Variants in TEX48 observed in about 807,000 individuals in gnomAD.
TEX48 encodes testis-expressed protein 48.
Under a neutral mutation model 13.2 loss-of-function variants are expected in TEX48, and 10 were observed. That is an observed-to-expected ratio of 0.75 (90% CI 0.47 to 1.28). The LOEUF (loss-of-function observed/expected upper bound fraction) is 1.28. TEX48 is among the 50% of genes most tolerant of loss of function. TEX48 has a pLI of 0.00. For missense variants in TEX48, 116 were observed against 139.4 expected (o/e 0.83, Z 0.84); for synonymous variants, 45 against 52.3 (o/e 0.86, Z 0.60).
At chr9:114,667,340 G>A (rs552825719) in intron 4 of TEX48, among the ~76,000 whole-genome samples, 11 of 152,288 alleles carry the variant, frequency 7.2e-5, no homozygotes, top group South Asian at 2.1e-4. Flanking sequence ...TAGAACTGGC[G>A]CCCAGCAATG....
At position 114,669,216 on chromosome 9, in the gene TEX48, C is replaced by T. The variant is rs150414381; in HGVS notation, c.128-879G>A. On this transcript the variant is annotated intron_variant, in intron 3 of 4. Coordinates refer to ENST00000436752, the MANE Select transcript of TEX48 (RefSeq NM_001199233.2). ...TCACTAAATTTAAAAAATGGTTGTA[C>T]AGTATTCTAGTTTTTGAATAATGTA... Among the ~76,000 whole-genome samples, 553 of 152,182 alleles carry T rather than the reference C, an allele frequency of 3.6e-3. 3 individuals carry two copies. Among genetic ancestry groups the T allele is most frequent in the Admixed American group, 0.01 (153 of 15,284 alleles).
In TEX48 at chr9:114,669,499, T is replaced by C. The variant is rs542042848; in HGVS notation, c.128-1162A>G. Among the ~76,000 whole-genome samples, 326 of 152,000 alleles carry C rather than the reference T, an allele frequency of 2.1e-3. 1 individual carries two copies. Among genetic ancestry groups the C allele is most frequent in the African/African-American group, 7.4e-3 (306 of 41,474 alleles). On this transcript the variant is annotated intron_variant, in intron 3 of 4. Transcript: ENST00000436752. ...TCTTGTTGCCCAGGCTGGAGTGCGA[T>C]GGCACGATCTCGGCTCACCGCAACC... is the stretch of plus-strand genomic sequence containing the variant.
intron 1 of TEX48, among the ~76,000 whole-genome samples, chr9:114,677,021 A>C (rs1291023025): frequency 6.6e-6 from 1 of 152,160 alleles, no homozygotes; most frequent in Non-Finnish European, 1.5e-5. Flanking sequence ...GACTGTTGGA[A>C]AAAAACTATG....
chr9:114,669,291 A>T (rs975880025), intron 3 of TEX48, among the ~76,000 whole-genome samples: 31 of 151,760 alleles, frequency 2.0e-4, no homozygotes, highest in South Asian at 2.1e-4. Flanking sequence ...TTATTTATTT[A>T]TTTTTTTGAG....
chr9:114,676,482 T>C lies in TEX48; in HGVS notation c.-104-4655A>G, dbSNP rs184613433. Among the ~76,000 whole-genome samples, 56 of 152,190 alleles carry C rather than the reference T, an allele frequency of 3.7e-4. 1 individual carries two copies. The highest frequency in any genetic ancestry group is 1.3e-3 in the African/African-American group (55 of 41,514). On this transcript the variant is annotated intron_variant, in intron 1 of 4. Transcript: ENST00000436752. ...CTGAGCCCAGCCAAGCTTTTTTCTT[T>C]TTTTTTTCTTCATTTATTTCACATG...
At chr9:114,676,138 A>T (rs960242814) in intron 1 of TEX48, among the ~76,000 whole-genome samples, 7 of 152,108 alleles carry the variant, frequency 4.6e-5, no homozygotes, top group African/African-American at 1.7e-4. Flanking sequence ...ATACTAGTTC[A>T]TGAGCTTTTT....
chr9:114,671,874 G>T, intron 1 of TEX48, 47 bp from the exon 2 acceptor site: 1 of 793,756 alleles, frequency 1.3e-6, no homozygotes, highest in Non-Finnish European at 2.1e-6. Context: ...TCCTTCACCT[G>T]TGTTCACACT....
intron 4 of TEX48, 132 bp from the exon 5 acceptor site, chr9:114,666,878 C>T: frequency 1.7e-6 from 1 of 596,486 alleles, no homozygotes; most frequent in Non-Finnish European, 2.9e-6. Context: ...CAAGGCAGAC[C>T]CTAGTCTAGG....
At chr9:114,681,590 T>C (rs1236389565) in intron 1 of TEX48, among the ~76,000 whole-genome samples, 1 of 152,146 alleles carries the variant, frequency 6.6e-6, no homozygotes, top group Non-Finnish European at 1.5e-5. Flanking sequence ...TGGTGTGTCG[T>C]AAAGGCTTAA....
chr9:114,674,608 TC>T (rs1828020494), intron 1 of TEX48, among the ~76,000 whole-genome samples: 1 of 26,258 alleles, frequency 3.8e-5, no homozygotes, highest in Non-Finnish European at 9.8e-5. Context: ...TTTCTTTCCT[TC>T]CTTCCTTCCT....
intron 1 of TEX48, among the ~76,000 whole-genome samples, chr9:114,678,859 A>T (rs1828129136): frequency 6.6e-6 from 1 of 151,212 alleles, no homozygotes. Context: ...AAAAAAAAAA[A>T]TTGTTGACCT....
chr9:114,677,669 A>G (rs1197787315), intron 1 of TEX48, among the ~76,000 whole-genome samples: 1 of 152,064 alleles, frequency 6.6e-6, no homozygotes, highest in Non-Finnish European at 1.5e-5. Context: ...GTGGTAATTG[A>G]TTTGTCTAGA....
chr9:114,668,204 A>T lies in TEX48; in HGVS notation c.259+2T>A. On this transcript the variant is annotated splice_donor_variant, in intron 4 of 4. Transcript: ENST00000436752. LOFTEE classifies it high-confidence loss of function. ...GTGTTAGGACCCCAATTTGGGACTC[A>T]CCCTCAAACTCACTGCTGCTGGAGG... The T allele has an allele frequency of 6.5e-7, 1 of 1,535,572 alleles. No individual in the cohort carries two copies. Among genetic ancestry groups the T allele is most frequent in the Non-Finnish European group, 8.7e-7 (1 of 1,146,866 alleles).
intron 1 of TEX48, among the ~76,000 whole-genome samples, chr9:114,672,482 C>A (rs1295901928): frequency 1.3e-5 from 2 of 152,198 alleles, no homozygotes; most frequent in African/African-American, 4.8e-5. Context: ...GCAAAACCCT[C>A]TTTAAAAGGA....
intron 1 of TEX48, among the ~76,000 whole-genome samples, chr9:114,674,607 TTCCTTCCTTCC>T (rs1828020369): frequency 2.0e-4 from 2 of 10,038 alleles, no homozygotes; most frequent in African/African-American, 3.2e-4. Context: ...TTTTCTTTCC[TTCCTTCCTTCC>T]TTCCTTCCTT....
chr9:114,671,843 ACCGTGGCTG>A lies in TEX48; in HGVS notation c.-104-25_-104-17del. ...GGGCTGTTTCCTAAGTAAACATAAG[ACCGTGGCTG>A]AAAAATGCTAGTCCTTCACCTGTGT... is the stretch of plus-strand genomic sequence containing the variant. On this transcript the variant is annotated splice_polypyrimidine_tract_variant and intron_variant, in intron 1 of 4. Transcript: ENST00000436752. 1 of 1,145,296 alleles carries A rather than the reference ACCGTGGCTG, an allele frequency of 8.7e-7. No individual in the cohort carries two copies. The highest frequency in any genetic ancestry group is 2.0e-5 in the Admixed American group (1 of 49,160). The allele number at this position is 1,145,296 out of a possible 1,614,324, so 70.9% of individuals were successfully genotyped here.
intron 3 of TEX48, among the ~76,000 whole-genome samples, chr9:114,671,028 A>G (rs960643019): frequency 1.3e-5 from 2 of 152,150 alleles, no homozygotes; most frequent in African/African-American, 4.8e-5. Context: ...CACTATTTTT[A>G]TAGTCTTTAA....
intron 1 of TEX48, among the ~76,000 whole-genome samples, chr9:114,672,400 C>A (rs142353414): frequency 1.0e-3 from 159 of 152,286 alleles, no homozygotes; most frequent in African/African-American, 3.7e-3. Flanking sequence ...TTGCTTTAGT[C>A]CCAGATCCCT....
chr9:114,666,601 A>C lies in TEX48; in HGVS notation c.*42T>G, dbSNP rs1375156856. ...ACTCCTGTCCACCGCCCTCTTCCTC[A>C]TGGAGATGCCCCAGCAGCTGTGCAG... is the stretch of plus-strand genomic sequence containing the variant. On this transcript the variant is annotated 3_prime_UTR_variant, in exon 5 of 5. Transcript: ENST00000436752. The C allele has an allele frequency of 1.7e-6, 2 of 1,185,704 alleles. No homozygotes were observed. The highest frequency in any genetic ancestry group is 2.8e-5 in the South Asian group (2 of 72,644). The allele number at this position is 1,185,704 out of a possible 1,614,324, so 73.4% of individuals were successfully genotyped here.
Sources: allele counts gnomAD v4.1 joint callset (sites outside exome capture counted in the v4.1 genomes callset), GRCh38; gene constraint gnomAD v4.1.1; transcripts MANE v1.5; gene names NCBI Gene and HGNC (gene_info 2026-07-23, HGNC 2026-07-21).